TPST1: variants seen among roughly 807,000 people sequenced by gnomAD.
The protein encoded by TPST1 is tyrosylprotein sulfotransferase 1.
A neutral mutation model predicts 34.8 loss-of-function variants in TPST1; 20 were observed. That is an observed-to-expected ratio of 0.57 (90% confidence interval 0.40 to 0.84). The LOEUF is 0.84. Among genes scored for constraint, TPST1 ranks in the 40% least tolerant of loss-of-function variants. TPST1 has a pLI of 0.00. For missense variants in TPST1, 353 were observed against 455.5 expected (o/e 0.78, Z 2.05); for synonymous variants, 152 against 159.4 (o/e 0.95, Z 0.35).
intron 1 of TPST1, among the ~76,000 whole-genome samples, chr7:66,230,595 T>C (rs1412833239): frequency 6.6e-6 from 1 of 152,158 alleles, no homozygotes; most frequent in Admixed American, 6.5e-5. Flanking sequence ...GCTTGTGGTC[T>C]CGCTGGCTTC....
intron 2 of TPST1, among the ~76,000 whole-genome samples, chr7:66,278,871 C>T (rs1790875853): frequency 6.6e-6 from 1 of 152,024 alleles, no homozygotes; most frequent in Non-Finnish European, 1.5e-5. Flanking sequence ...AATCATGCTG[C>T]ATTGTAAACA....
At chr7:66,268,126 T>C (rs6960476) in intron 2 of TPST1, among the ~76,000 whole-genome samples, 90,188 of 151,800 alleles carry the variant, frequency 0.59, 27,144 homozygotes, top group African/African-American at 0.68. Context: ...CTAATTTTTA[T>C]ATTTTTAGTA....
chr7:66,320,239 CTTTTTCTTTTTTTTT>C (rs1791722616), intron 3 of TPST1, among the ~76,000 whole-genome samples: 1 of 143,648 alleles, frequency 7.0e-6, no homozygotes, highest in Admixed American at 6.9e-5. Context: ...TTCTTTTTTT[CTTTTTCTTTTTTTTT>C]TTTTTTTTTT....
intron 4 of TPST1, among the ~76,000 whole-genome samples, chr7:66,353,220 G>T (rs1431962421): frequency 6.6e-6 from 1 of 151,952 alleles, no homozygotes; most frequent in East Asian, 1.9e-4. Flanking sequence ...GAGGCTGAGG[G>T]AGAATCACAT....
chr7:66,351,232 T>C (rs1792472008), intron 3 of TPST1, among the ~76,000 whole-genome samples: 1 of 152,208 alleles, frequency 6.6e-6, no homozygotes, highest in Non-Finnish European at 1.5e-5. Flanking sequence ...CACCTCCTCA[T>C]CATTATGTTG....
chr7:66,271,214 T>C (rs1172207390), intron 2 of TPST1, among the ~76,000 whole-genome samples: 2 of 152,184 alleles, frequency 1.3e-5, no homozygotes, highest in African/African-American at 4.8e-5. Context: ...GTACTTTTGC[T>C]GTGACCTCAG....
intron 1 of TPST1, among the ~76,000 whole-genome samples, chr7:66,236,951 A>G (rs1238502725): frequency 6.6e-6 from 1 of 152,174 alleles, no homozygotes; most frequent in African/African-American, 2.4e-5. Context: ...GTCCTCTGCC[A>G]GTAGATCTCT....
At chr7:66,239,224 T>G (rs1165548204) in intron 1 of TPST1, among the ~76,000 whole-genome samples, 1 of 152,150 alleles carries the variant, frequency 6.6e-6, no homozygotes, top group Non-Finnish European at 1.5e-5. Context: ...CAAATGATCC[T>G]CCCATCTCGG....
intron 2 of TPST1, among the ~76,000 whole-genome samples, chr7:66,278,835 A>G (rs999322540): frequency 1.3e-5 from 2 of 152,142 alleles, no homozygotes; most frequent in African/African-American, 4.8e-5. Context: ...ATTGGAAAAT[A>G]TGGATAAGTT....
chr7:66,308,869 C>T lies in TPST1; in HGVS notation c.1044+22160C>T, dbSNP rs1012652418. On this transcript the variant is annotated intron_variant, in intron 3 of 5. Coordinates refer to ENST00000304842, the MANE Select transcript of TPST1 (RefSeq NM_003596.4). ...ACAGATCAGTCATACGTATTAAATA[C>T]ACCCCAGTATTCCTTATTTTCTAAC... 3.9e-5 allele frequency among the ~76,000 whole-genome samples: 6 copies of T among 152,220 alleles called. No homozygotes were observed. The East Asian group carries it at 1.2e-3, about 29-fold the overall frequency.
At chr7:66,317,980 G>A (rs1314794872) in intron 3 of TPST1, among the ~76,000 whole-genome samples, 2 of 152,030 alleles carry the variant, frequency 1.3e-5, no homozygotes, top group South Asian at 2.1e-4. Context: ...CCAACATGGC[G>A]AAACCCCGTC....
At chr7:66,215,115 C>T (rs1050046262) in intron 1 of TPST1, among the ~76,000 whole-genome samples, 19 of 148,302 alleles carry the variant, frequency 1.3e-4, no homozygotes, top group African/African-American at 3.7e-4. Flanking sequence ...AGTGCAGTGG[C>T]GCGATCTTGG....
chr7:66,309,534 G>C (rs1791488786), intron 3 of TPST1, among the ~76,000 whole-genome samples: 1 of 152,134 alleles, frequency 6.6e-6, no homozygotes, highest in African/African-American at 2.4e-5. Context: ...TGGTTCAGGA[G>C]TAGGAACCTG....
rs775786558 is a variant in TPST1 at position 66,240,460 on chromosome 7, C to T, written c.35C>T (p.Ala12Val). ...AAGCTGAAGCAGAACTTACTATTGG[C>T]ATGTCTGGTGATTAGTTCTGTGACT... ...VGKLKQNLLLACLVISSVTVF... is the reference protein window; with the variant it reads ...VGKLKQNLLLVCLVISSVTVF... Residue 12 changes from alanine (A) to valine (V), a missense_variant, in exon 2 of 6, where the codon GCA becomes GTA. Ala to Val is a moderately conservative substitution (Grantham distance 64). Transcript: ENST00000304842. 2 of 1,614,074 alleles carry T rather than the reference C, an allele frequency of 1.2e-6. No individual in the cohort carries two copies. Among genetic ancestry groups the T allele is most frequent in the Admixed American group, 3.3e-5 (2 of 60,002 alleles).
In TPST1 at chr7:66,205,801, A is replaced by C. The variant is rs538611742; in HGVS notation, c.-102+279A>C. The C allele has an allele frequency of 6.6e-6, 1 of 151,604 alleles. No homozygotes were observed. The highest frequency in any genetic ancestry group is 1.5e-5 in the Non-Finnish European group (1 of 68,050). 9.4% of individuals were successfully genotyped at this position (151,604 alleles called of 1,614,324 possible). ...TTCTCTCCCTTCTCGCAGCCCTGGG[A>C]CCACGTCCTAGCCCCGCAGTCCCCT... On this transcript the variant is annotated intron_variant, in intron 1 of 5. Coordinates refer to ENST00000304842, the MANE Select transcript of TPST1 (RefSeq NM_003596.4). The surrounding 1 kb of genome is among the most constrained non-coding windows in gnomAD (Gnocchi z 5.0).
chr7:66,250,760 T>C (rs1027261684), intron 2 of TPST1, among the ~76,000 whole-genome samples: 6 of 152,240 alleles, frequency 3.9e-5, no homozygotes, highest in African/African-American at 1.4e-4. Context: ...AGAACAATTA[T>C]AACAATATGC....
chr7:66,239,498 A>G (rs1789982324), intron 1 of TPST1, among the ~76,000 whole-genome samples: 2 of 152,220 alleles, frequency 1.3e-5, no homozygotes, highest in Non-Finnish European at 2.9e-5. Flanking sequence ...AGTCGAGCCT[A>G]TCTGGTCTGT....
chr7:66,229,912 A>G (rs993560665), intron 1 of TPST1, among the ~76,000 whole-genome samples: 2 of 152,144 alleles, frequency 1.3e-5, no homozygotes, highest in African/African-American at 2.4e-5. Context: ...TATCACTTCA[A>G]AAAGAAACCC....
intron 3 of TPST1, among the ~76,000 whole-genome samples, chr7:66,348,966 C>T (rs1192563967): frequency 2.6e-5 from 4 of 151,968 alleles, no homozygotes; most frequent in Non-Finnish European, 5.9e-5. Flanking sequence ...CCTTACCTAT[C>T]TGGAACTGTC....
Sources: gnomAD v4.1 joint callset for allele counts (sites outside exome capture counted in the v4.1 genomes callset) on GRCh38, gnomAD v4.1.1 for gene constraint, Gnocchi (gnomAD v3.1) non-coding constraint, MANE v1.5 for transcripts, NCBI Gene and HGNC (gene_info 2026-07-23, HGNC 2026-07-21) for gene names.